The following VPS33A variants were observed in gnomAD, a reference collection of about 807,000 sequenced individuals.
VPS33A encodes VPS33A core subunit of CORVET and HOPS complexes, also known as vacuolar protein sorting-associated protein 33A.
A neutral mutation model predicts 71.8 loss-of-function variants in VPS33A; 32 were observed. That is an observed-to-expected ratio of 0.45 (90% CI 0.34 to 0.60). The LOEUF (loss-of-function observed/expected upper bound fraction) is 0.60. Among genes scored for constraint, VPS33A ranks in the 20% least tolerant of loss-of-function variants. VPS33A has a pLI of 0.02. For synonymous variants in VPS33A, 311 were observed against 292.7 expected, an observed-to-expected ratio of 1.06 and a Z score of -0.64; for missense variants, 625 against 748.5, an observed-to-expected ratio of 0.84 and a Z score of 1.92.
At chr12:122,255,517 A>G (rs1954904868) in intron 4 of VPS33A, among the ~76,000 whole-genome samples, 1 of 152,104 alleles carries the variant, frequency 6.6e-6, no homozygotes, top group South Asian at 2.1e-4. Context: ...CAGCCTGGCC[A>G]ACATGGTGAA....
intron 4 of VPS33A, among the ~76,000 whole-genome samples, chr12:122,259,331 C>T (rs75885658): frequency 1.1e-4 from 16 of 152,056 alleles, no homozygotes; most frequent in East Asian, 3.9e-4. Context: ...GCAATTCTCC[C>T]GCCTCAGCCT....
chr12:122,238,764 T>C (rs373242079), intron 9 of VPS33A, 40 bp from the exon 10 acceptor site: 3 of 1,434,062 alleles, frequency 2.1e-6, no homozygotes, highest in Non-Finnish European at 2.9e-6. Flanking sequence ...TACATTTACA[T>C]ATACATACAC....
chr12:122,259,208 T>C (rs61954374), intron 4 of VPS33A, among the ~76,000 whole-genome samples: 13,193 of 151,004 alleles, frequency 0.087, 779 homozygotes, highest in African/African-American at 0.16. Context: ...TATGTATGTA[T>C]GTATGTATGT....
chr12:122,257,854 C>T (rs776429808), intron 4 of VPS33A, among the ~76,000 whole-genome samples: 18 of 152,094 alleles, frequency 1.2e-4, no homozygotes, highest in South Asian at 2.1e-4. Context: ...GGCATAAGGA[C>T]GGACATACAG....
In VPS33A at chr12:122,264,202, G is replaced by T; in HGVS notation, c.103-3C>A. On this transcript the variant is annotated splice_polypyrimidine_tract_variant and splice_region_variant and intron_variant, in intron 1 of 12. Transcript: ENST00000267199. ...AGGTATTCATCCCAAACTATTGCCT[G>T]TAAGAGGGGAGAAACATTCTCTTAT... The T allele has an allele frequency of 6.5e-7, 1 of 1,532,406 alleles. No homozygotes were observed. Among genetic ancestry groups the T allele is most frequent in the South Asian group, 1.3e-5 (1 of 78,070 alleles). 94.9% of individuals were successfully genotyped at this position (1,532,406 alleles called of 1,614,324 possible).
Position 122,261,374 on chromosome 12 carries a change from G to T in VPS33A, c.370C>A (p.Arg124=), listed in dbSNP as rs758918236. 20 of 1,613,714 alleles carry T rather than the reference G, an allele frequency of 1.2e-5. No homozygotes were observed. The highest frequency in any genetic ancestry group is 1.6e-5 in the Non-Finnish European group (19 of 1,179,860). ...CCCAAGACACCCAGATCCTTCAACC[G>T]CTGTTCGCACAACAGGCTACGGCGT... is the stretch of plus-strand genomic sequence containing the variant. ...VPRRSLLCEQ[R]LKDLGVLGSF... The change falls in exon 4 of 13, where the codon CGG becomes AGG. Residue 124 remains arginine, a synonymous_variant. Coordinates refer to ENST00000267199, the MANE Select transcript of VPS33A (RefSeq NM_022916.6).
intron 3 of VPS33A, among the ~76,000 whole-genome samples, chr12:122,262,991 C>CTTT (rs35647648): frequency 2.3e-5 from 3 of 127,850 alleles, no homozygotes; most frequent in Non-Finnish European, 4.8e-5. Flanking sequence ...CAATTACACT[C>CTTT]TTTTTTTTTT....
Position 122,262,991 on chromosome 12 carries a change from CTT to C in VPS33A, c.296+579_296+580del, listed in dbSNP as rs35647648. Among the ~76,000 whole-genome samples the C allele has an allele frequency of 1.7e-3, 215 of 127,814 alleles. No homozygotes were observed. In the East Asian group the frequency reaches 0.02, roughly 12 times the overall value. The allele number at this position is 127,814 out of a possible 152,430, so 83.9% of individuals were successfully genotyped here. A position where few individuals can be genotyped will look rare whatever the true frequency, so the allele number is the denominator to read the frequency against. ...AGTTACAAAACAATCCAATTACACT[CTT>C]TTTTTTTTTTTTTTTTTGAGACGGA... On this transcript the variant is annotated intron_variant, in intron 3 of 12. Coordinates refer to ENST00000267199, the MANE Select transcript of VPS33A (RefSeq NM_022916.6).
In VPS33A at chr12:122,263,619, G is replaced by T; in HGVS notation, c.249C>A (p.Val83=). The part of the protein sequence containing the change: ...AADVKNIIFF[V]RPRLELMDII... ...TATCCATCAACTCTAGCCTGGGTCT[G>T]ACAAAAAAAATTATATTCTTCACAT... Residue 83 remains valine, a synonymous_variant, in exon 3 of 13, where the codon GTC becomes GTA. Transcript: ENST00000267199. The T allele has an allele frequency of 6.2e-7, 1 of 1,613,038 alleles. No homozygotes were observed. Among genetic ancestry groups the T allele is most frequent in the South Asian group, 1.1e-5 (1 of 90,974 alleles).
rs554680503 is a variant in VPS33A at position 122,240,789 on chromosome 12, T to C, written c.1097-844A>G. Among the ~76,000 whole-genome samples the C allele has an allele frequency of 3.3e-5, 5 of 152,306 alleles. No individual in the cohort carries two copies. The East Asian group carries it at 9.6e-4, about 29-fold the overall frequency. ...CTCAACATATACTCTTTGTACCAATTCTGCACAGAATATTCAAGGGAAGAA... is the reference window on the plus strand; with the variant it reads ...CTCAACATATACTCTTTGTACCAATCCTGCACAGAATATTCAAGGGAAGAA... On this transcript the variant is annotated intron_variant, in intron 8 of 12. Coordinates refer to ENST00000267199, the MANE Select transcript of VPS33A (RefSeq NM_022916.6).
intron 8 of VPS33A, among the ~76,000 whole-genome samples, chr12:122,241,964 G>A (rs1343923543): frequency 2.0e-5 from 3 of 152,094 alleles, no homozygotes; most frequent in Admixed American, 2.0e-4. Context: ...CTGGAGTGCA[G>A]TGGCGTGATG....
intron 7 of VPS33A, among the ~76,000 whole-genome samples, chr12:122,244,193 C>G (rs1239233955): frequency 6.6e-6 from 1 of 152,166 alleles, no homozygotes; most frequent in Non-Finnish European, 1.5e-5. Context: ...ACTGGCTAAA[C>G]TTGAGTTTTC....
chr12:122,264,076 G>A (rs1240813797), intron 2 of VPS33A, 58 bp downstream of exon 2: 3 of 1,379,736 alleles, frequency 2.2e-6, no homozygotes, highest in Admixed American at 2.1e-5. Flanking sequence ...AAATCCTATT[G>A]TAACTGCTAA....
intron 6 of VPS33A, among the ~76,000 whole-genome samples, chr12:122,245,399 G>A (rs568819777): frequency 2.6e-4 from 39 of 150,052 alleles, no homozygotes; most frequent in Middle Eastern, 3.5e-3. Flanking sequence ...CCTAGAACAA[G>A]AATTAGAAAC....
In VPS33A at chr12:122,263,699, C is replaced by A. The variant is rs757127045; in HGVS notation, c.169G>T (p.Glu57Ter). Residue 57 changes from glutamate to a stop codon, truncating the protein, a stop_gained and splice_region_variant, in exon 3 of 13, where the codon GAA becomes TAA. Transcript: ENST00000267199. LOFTEE classifies it high-confidence loss of function. ...GLIAQYSLLK[E>*]HEVEKMFTLK... ...GTGAACATTTTTTCCACTTCATGTT[C>A]CTAGGCAAACACATACACAAAAGGT... 1.2e-6 allele frequency: 2 copies of A among 1,605,056 alleles called. No individual in the cohort carries two copies. Among genetic ancestry groups the A allele is most frequent in the African/African-American group, 1.3e-5 (1 of 74,712 alleles).
At chr12:122,247,801 T>A (rs1340388025) in intron 6 of VPS33A, among the ~76,000 whole-genome samples, 1 of 152,208 alleles carries the variant, frequency 6.6e-6, no homozygotes, top group Non-Finnish European at 1.5e-5. Context: ...CCCCTTCCTG[T>A]AGTCCTGGCA....
chr12:122,249,884 A>G lies in VPS33A; in HGVS notation c.762T>C (p.Tyr254=). 1 of 1,613,456 alleles carries G rather than the reference A, an allele frequency of 6.2e-7. No individual in the cohort carries two copies. The highest frequency in any genetic ancestry group is 8.5e-7 in the Non-Finnish European group (1 of 1,179,864). ...TCATGTACTTACTGTTCTGAATGCC[A>G]TAAATTTCATCAATGAGTCCTTCAT... is the stretch of plus-strand genomic sequence containing the variant. ...LTYEGLIDEI[Y]GIQNSYVKLP... Residue 254 remains tyrosine (Y), a synonymous_variant, in exon 6 of 13, where the codon TAT becomes TAC. Coordinates refer to ENST00000267199, the MANE Select transcript of VPS33A (RefSeq NM_022916.6).
intron 6 of VPS33A, among the ~76,000 whole-genome samples, chr12:122,247,781 G>T (rs1396186232): frequency 6.6e-6 from 1 of 152,088 alleles, no homozygotes; most frequent in Admixed American, 6.6e-5. Context: ...AATAAGTGGT[G>T]ACTCCCCATC....
At chr12:122,239,013 ACACACACACC>A (rs1411638213) in intron 9 of VPS33A, among the ~76,000 whole-genome samples, 14 of 130,662 alleles carry the variant, frequency 1.1e-4, no homozygotes, top group South Asian at 8.0e-4. Flanking sequence ...ACACACACAC[ACACACACACC>A]CCCCAGTGAT....
Sources: allele counts gnomAD v4.1 joint callset (sites outside exome capture counted in the v4.1 genomes callset), GRCh38; gene constraint gnomAD v4.1.1; transcripts MANE v1.5; gene names NCBI Gene and HGNC (gene_info 2026-07-23, HGNC 2026-07-21).